SLC35B3: variants seen among roughly 807,000 people sequenced by gnomAD.
SLC35B3 encodes solute carrier family 35 member B3.
In SLC35B3, 35 loss-of-function variants were observed where a neutral mutation model predicts 44.1. The observed-to-expected ratio is 0.79, with a 90% CI of 0.61 to 1.05. The LOEUF (loss-of-function observed/expected upper bound fraction) is 1.05, where lower values mean the gene tolerates loss of function less well. Ranked by LOEUF, SLC35B3 falls within the 50% of genes least tolerant of loss-of-function variation. The pLI is 0.00. For synonymous variants in SLC35B3, 146 were observed against 167.3 expected, an observed-to-expected ratio of 0.87 and a Z score of 0.98; for missense variants, 414 against 476.4, an observed-to-expected ratio of 0.87 and a Z score of 1.22.
At chr6:8,414,771 A>C (rs1323357313) in intron 10 of SLC35B3, 137 bp downstream of exon 9, 2 of 444,676 alleles carry the variant, frequency 4.5e-6, no homozygotes, top group Non-Finnish European at 3.9e-6. Context: ...AGGAAAAAAA[A>C]CCACATTAAT....
chr6:8,432,670 C>T lies in SLC35B3; in HGVS notation c.3+1715G>A, dbSNP rs1264872303. Among the ~76,000 whole-genome samples the T allele has an allele frequency of 6.6e-6, 1 of 152,084 alleles. No homozygotes were observed. The highest frequency in any genetic ancestry group is 2.4e-5 in the African/African-American group (1 of 41,408). ...AAAAGTGGGAGGAGTTAAAAATGTG[C>T]CTATCACAGGATTTTGGTTAGGACT... On this transcript the variant is annotated intron_variant, in intron 2 of 10. Transcript: ENST00000644923. This position sits in a 1 kb window ranked among gnomAD's most constrained non-coding sequence, Gnocchi z 4.8.
At chr6:8,429,779 CT>C (rs1425638847) in intron 3 of SLC35B3, 84 bp downstream of exon 2, 1 of 989,686 alleles carries the variant, frequency 1.0e-6, no homozygotes, top group East Asian at 2.6e-5. Flanking sequence ...CCCTAAGTGA[CT>C]ATCTTGGGCA....
Position 8,432,341 on chromosome 6 carries a change from A to C in SLC35B3, c.3+2044T>G, listed in dbSNP as rs1398239384. ...CATATTTACACATACATACAGAATA[A>C]ATAAAACTTCTAGAAAATATCTTTC... On this transcript the variant is annotated intron_variant, in intron 2 of 10. Coordinates refer to ENST00000644923, the MANE Select transcript of SLC35B3 (RefSeq NM_001370476.2). The surrounding 1 kb of genome is among the most constrained non-coding windows in gnomAD (Gnocchi z 4.8). 5.3e-5 allele frequency among the ~76,000 whole-genome samples: 8 copies of C among 151,880 alleles called. No individual in the cohort carries two copies. Among genetic ancestry groups the C allele is most frequent in the Non-Finnish European group, 1.2e-4 (8 of 68,022 alleles).
intron 9 of SLC35B3, among the ~76,000 whole-genome samples, chr6:8,415,371 T>C (rs1350977779): frequency 6.6e-6 from 1 of 152,180 alleles, no homozygotes; most frequent in Admixed American, 6.5e-5. Flanking sequence ...CATATCTTAA[T>C]AGGGGTCATC....
intron 4 of SLC35B3, among the ~76,000 whole-genome samples, chr6:8,427,641 TCAG>T (rs1484652975): frequency 6.6e-6 from 1 of 152,220 alleles, no homozygotes; most frequent in Non-Finnish European, 1.5e-5. Flanking sequence ...TGCACCTATT[TCAG>T]CAGAATTTAT....
intron 3 of SLC35B3, among the ~76,000 whole-genome samples, chr6:8,429,407 G>A (rs1257510180): frequency 6.6e-6 from 1 of 152,026 alleles, no homozygotes; most frequent in African/African-American, 2.4e-5. Flanking sequence ...TATAAGAGGT[G>A]TTTAAAAAAG....
intron 3 of SLC35B3, among the ~76,000 whole-genome samples, chr6:8,429,183 A>G (rs1008086865): frequency 3.9e-5 from 6 of 152,180 alleles, no homozygotes; most frequent in African/African-American, 1.2e-4. Flanking sequence ...AACCCATTCC[A>G]ACATCCTGTT....
intron 2 of SLC35B3, 37 bp from the exon 2 acceptor site, chr6:8,430,194 A>G (rs1183519997): frequency 2.0e-6 from 3 of 1,475,374 alleles, no homozygotes; most frequent in South Asian, 2.8e-5. Context: ...CATTTACATG[A>G]TAAAGTTTAA....
Position 8,422,468 on chromosome 6 carries a change from A to G in SLC35B3, c.574+2T>C. On this transcript the variant is annotated splice_donor_variant, in intron 5 of 10. Transcript: ENST00000644923. LOFTEE classifies it high-confidence loss of function. The stretch of plus-strand genomic sequence containing the variant: ...TAGTATAAAAACATATCATTACTAT[A>G]CCTTGAATAAAAACTCCTCCTAGCA... 8.7e-6 allele frequency: 14 copies of G among 1,608,072 alleles called. No individual in the cohort carries two copies. Among genetic ancestry groups the G allele is most frequent in the Non-Finnish European group, 1.2e-5 (14 of 1,174,912 alleles).
rs771850582 is a variant in SLC35B3, at chr6:8,413,716, A to G, written c.1056-17T>C. On this transcript the variant is annotated splice_polypyrimidine_tract_variant and intron_variant, in intron 10 of 10. Transcript: ENST00000644923. ...CATACATACCTAAGAGAAAGAAATA[A>G]GGAAAAAAAATTAAAATTAGCAAAA... The G allele has an allele frequency of 7.6e-6, 11 of 1,444,556 alleles. No individual in the cohort carries two copies. Among genetic ancestry groups the G allele is most frequent in the Middle Eastern group, 2.5e-4 (1 of 4,014 alleles). The allele number at this position is 1,444,556 out of a possible 1,614,324, so 89.5% of individuals were successfully genotyped here. A position where few individuals can be genotyped will look rare whatever the true frequency, so the allele number is the denominator to read the frequency against.
In SLC35B3 at chr6:8,434,426, A is replaced by G. The variant is rs1764290994; in HGVS notation, c.-39T>C. The G allele has an allele frequency of 3.1e-6, 5 of 1,611,526 alleles. No individual in the cohort carries two copies. The highest frequency in any genetic ancestry group is 1.6e-4 in the Middle Eastern group (1 of 6,066). ...GATTAACTGCGCTCCGGAATCAATC[A>G]TGGCCTATGGTGTACGATTATAAAA... is the stretch of plus-strand genomic sequence containing the variant. On this transcript the variant is annotated 5_prime_UTR_variant, in exon 2 of 11. Coordinates refer to ENST00000644923, the MANE Select transcript of SLC35B3 (RefSeq NM_001370476.2). This position sits in a 1 kb window ranked among gnomAD's most constrained non-coding sequence, Gnocchi z 6.3.
At chr6:8,424,562 G>A (rs1019093129) in intron 4 of SLC35B3, among the ~76,000 whole-genome samples, 38 of 152,064 alleles carry the variant, frequency 2.5e-4, no homozygotes, top group Admixed American at 2.5e-3. Context: ...ACCTGGCCGG[G>A]GAGAAAATTT....
intron 3 of SLC35B3, among the ~76,000 whole-genome samples, chr6:8,428,860 A>G (rs1197499786): frequency 1.3e-5 from 2 of 152,048 alleles, no homozygotes; most frequent in Non-Finnish European, 2.9e-5. Flanking sequence ...CTACTAGTGG[A>G]ATATCAGTTA....
At chr6:8,414,543 A>C (rs1762239516) in intron 10 of SLC35B3, among the ~76,000 whole-genome samples, 1 of 152,224 alleles carries the variant, frequency 6.6e-6, no homozygotes, top group Non-Finnish European at 1.5e-5. Flanking sequence ...ACATATTTGC[A>C]GTAGGGCAAA....
rs537952049 is a variant in SLC35B3 at position 8,416,969 on chromosome 6, C to T, written c.900G>A (p.Ala300=). The T allele has an allele frequency of 5.0e-6, 8 of 1,601,880 alleles. No homozygotes were observed. The highest frequency in any genetic ancestry group is 4.5e-5 in the East Asian group (2 of 44,316). The stretch of plus-strand genomic sequence containing the variant: ...AATATCCAGTGAGGGAAAAAAGGAA[C>T]GCATAACCATAGGTCCGAACTGGAT... Residue 300 remains alanine (A), a synonymous_variant, in exon 9 of 11, where the codon GCG becomes GCA. Coordinates refer to ENST00000644923, the MANE Select transcript of SLC35B3 (RefSeq NM_001370476.2).
At chr6:8,427,117 G>A (rs1763491765) in intron 4 of SLC35B3, among the ~76,000 whole-genome samples, 2 of 152,158 alleles carry the variant, frequency 1.3e-5, no homozygotes, top group South Asian at 2.1e-4. Context: ...ATTTTAAAAC[G>A]GAAACAGAGG....
chr6:8,435,259 G>C lies in SLC35B3; in HGVS notation c.-44+84C>G. 1 of 1,289,366 alleles carries C rather than the reference G, an allele frequency of 7.8e-7. No individual in the cohort carries two copies. Among genetic ancestry groups the C allele is most frequent in the Non-Finnish European group, 1.0e-6 (1 of 988,878 alleles). 79.9% of individuals were successfully genotyped at this position (1,289,366 alleles called of 1,614,324 possible). ...CATTCCTCGAACGCTCCTTCTGGATGAGGAAGATGGGCAGTGTCAAGGTTT... is the reference window on the plus strand; with the variant it reads ...CATTCCTCGAACGCTCCTTCTGGATCAGGAAGATGGGCAGTGTCAAGGTTT... On this transcript the variant is annotated intron_variant, in intron 1 of 10. Transcript: ENST00000644923. The surrounding 1 kb of genome is among the most constrained non-coding windows in gnomAD (Gnocchi z 5.5).
chr6:8,422,650 T>C lies in SLC35B3; in HGVS notation c.420-26A>G, dbSNP rs2113388709. ...CTGTAAAAGACAATTTTTAAAACCT[T>C]CATTTTGGGACCCAATTCATACTAC... On this transcript the variant is annotated intron_variant, in intron 4 of 10. Transcript: ENST00000644923. The C allele has an allele frequency of 3.2e-6, 5 of 1,581,528 alleles. No individual in the cohort carries two copies. The East Asian group carries it at 6.7e-5, about 21-fold the overall frequency.
In SLC35B3 at chr6:8,434,252, C is replaced by T; in HGVS notation, c.3+133G>A. ...TTCAGTTTATTTTTGAGTTTTCCGACCTGAAGGACAAAAGTCCCACACCAA... is the reference window on the plus strand; with the variant it reads ...TTCAGTTTATTTTTGAGTTTTCCGATCTGAAGGACAAAAGTCCCACACCAA... On this transcript the variant is annotated intron_variant, in intron 2 of 10. Coordinates refer to ENST00000644923, the MANE Select transcript of SLC35B3 (RefSeq NM_001370476.2). The surrounding 1 kb of genome is among the most constrained non-coding windows in gnomAD (Gnocchi z 6.3). 1 of 765,632 alleles carries T rather than the reference C, an allele frequency of 1.3e-6. No individual in the cohort carries two copies. Among genetic ancestry groups the T allele is most frequent in the East Asian group, 2.6e-5 (1 of 39,094 alleles). 47.4% of individuals were successfully genotyped at this position (765,632 alleles called of 1,614,324 possible).
Sources: allele counts gnomAD v4.1 joint callset (sites outside exome capture counted in the v4.1 genomes callset), GRCh38; gene constraint gnomAD v4.1.1; non-coding constraint Gnocchi (gnomAD v3.1); transcripts MANE v1.5; gene names NCBI Gene and HGNC (gene_info 2026-07-23, HGNC 2026-07-21).